TIAM2: variants seen among roughly 807,000 people sequenced by gnomAD.
TIAM2 encodes rho guanine nucleotide exchange factor TIAM2.
TIAM2 carries 80 observed loss-of-function variants against 152.9 expected under a neutral mutation model. That is an observed-to-expected ratio of 0.52 (90% confidence interval 0.44 to 0.63). The LOEUF is 0.63. TIAM2 is among the 30% of genes least tolerant of loss of function. The pLI is 0.00. For missense variants in TIAM2, 1,965 were observed against 2,120.1 expected, an observed-to-expected ratio of 0.93 and a Z score of 1.44; for synonymous variants, 804 against 838.0, an observed-to-expected ratio of 0.96 and a Z score of 0.70.
At chr6:155,205,260 G>A (rs1451583030) in intron 14 of TIAM2, among the ~76,000 whole-genome samples, 17 of 130,926 alleles carry the variant, frequency 1.3e-4, no homozygotes, top group African/African-American at 4.8e-4. Context: ...GAAAACAAAT[G>A]TTCTCCTGTC....
Position 155,089,181 on chromosome 6 carries a change from A to G in TIAM2, c.-208-1108A>G, listed in dbSNP as rs1463539706. On this transcript the variant is annotated intron_variant, in intron 1 of 26. Coordinates refer to ENST00000682666, the MANE Select transcript of TIAM2 (RefSeq NM_012454.4). ...ATACAGGAAGAAAGTATTATTCTCC[A>G]TAATAGGAGAGGATCCAGAAACCAC... 2.0e-5 allele frequency among the ~76,000 whole-genome samples: 3 copies of G among 148,844 alleles called. No individual in the cohort carries two copies. The East Asian group carries it at 6.2e-4, about 31-fold the overall frequency.
At chr6:155,054,219 G>T (rs73792674) in intron 1 of TIAM2, among the ~76,000 whole-genome samples, 4,091 of 152,228 alleles carry the variant, frequency 0.027, 171 homozygotes, top group African/African-American at 0.092. Context: ...GTCTCTGTGA[G>T]CTTGGTTATG....
At chr6:155,210,683 G>C (rs941960705) in intron 14 of TIAM2, among the ~76,000 whole-genome samples, 2 of 152,118 alleles carry the variant, frequency 1.3e-5, no homozygotes, top group African/African-American at 2.4e-5. Context: ...AGGGTTTACT[G>C]ATCCTCTTGG....
chr6:155,094,182 G>A (rs1778361332), intron 2 of TIAM2, among the ~76,000 whole-genome samples: 1 of 152,176 alleles, frequency 6.6e-6, no homozygotes. Context: ...CTTCTCAGCT[G>A]GCAGTGGATA....
At chr6:155,067,405 C>T (rs951265085) in intron 1 of TIAM2, among the ~76,000 whole-genome samples, 2 of 152,174 alleles carry the variant, frequency 1.3e-5, no homozygotes, top group Admixed American at 6.5e-5. Context: ...AGGGCTCCTT[C>T]TCCTTTGATA....
chr6:155,094,010 T>C (rs1208526099), intron 2 of TIAM2, among the ~76,000 whole-genome samples: 1 of 152,246 alleles, frequency 6.6e-6, no homozygotes, highest in Non-Finnish European at 1.5e-5. Context: ...GGTTCTGGGC[T>C]GTGGATAACC....
chr6:155,155,675 A>G (rs1780088584), intron 7 of TIAM2, among the ~76,000 whole-genome samples: 1 of 151,864 alleles, frequency 6.6e-6, no homozygotes, highest in Middle Eastern at 3.2e-3. Context: ...GGGTTTTGCC[A>G]TGTTGGCCAG....
intron 1 of TIAM2, among the ~76,000 whole-genome samples, chr6:155,002,215 C>T (rs950972637): frequency 6.6e-6 from 1 of 152,090 alleles, no homozygotes; most frequent in African/African-American, 2.4e-5. Context: ...TTGAGACCAG[C>T]CTAGGCAACA....
chr6:155,237,905 A>G lies in TIAM2; in HGVS notation c.3169-2625A>G, dbSNP rs148053101. On this transcript the variant is annotated intron_variant, in intron 15 of 26. Coordinates refer to ENST00000682666, the MANE Select transcript of TIAM2 (RefSeq NM_012454.4). ...TCTGACATGCCCTGGAGACATTTTC[A>G]TCATTGTCTTGGGGATTAACATTCA... Among the ~76,000 whole-genome samples, 672 of 152,326 alleles carry G rather than the reference A, an allele frequency of 4.4e-3. 5 individuals carry two copies. Among genetic ancestry groups the G allele is most frequent in the Middle Eastern group, 0.014 (4 of 294 alleles).
At position 155,017,575 on chromosome 6, in the gene TIAM2, C is replaced by T. The variant is rs371729770; in HGVS notation, c.-209+22083C>T. ...CTGGAGTGCAGTAGTGCGATCTTGG[C>T]TCATTGCAACCTCCGCCTCCTGGGT... On this transcript the variant is annotated intron_variant, in intron 1 of 26. Transcript: ENST00000682666. Among the ~76,000 whole-genome samples the T allele has an allele frequency of 7.6e-5, 11 of 144,806 alleles. No homozygotes were observed. In the East Asian group the frequency reaches 2.0e-3, roughly 27 times the overall value. The allele number at this position is 144,806 out of a possible 152,430, so 95.0% of individuals were successfully genotyped here. A position where few individuals can be genotyped will look rare whatever the true frequency, so the allele number is the denominator to read the frequency against.
At position 155,256,950 on chromosome 6, in the gene TIAM2, C is replaced by T; in HGVS notation, c.4935C>T (p.Asp1645=). Residue 1645 remains aspartate, a synonymous_variant, in exon 27 of 27, where the codon GAC becomes GAT. Transcript: ENST00000682666. ...IKRKANSTKR[D]RGTLLKAQIR... ...GAAAAGCCAACAGCACCAAGAGGGACAGAGGAACTTTGCTCAAGGCGCAGA... is the reference window on the plus strand; with the variant it reads ...GAAAAGCCAACAGCACCAAGAGGGATAGAGGAACTTTGCTCAAGGCGCAGA... The T allele has an allele frequency of 6.2e-7, 1 of 1,614,164 alleles. No individual in the cohort carries two copies. The highest frequency in any genetic ancestry group is 1.6e-4 in the Middle Eastern group (1 of 6,062).
At chr6:155,083,318 C>T (rs1423067405) in intron 1 of TIAM2, among the ~76,000 whole-genome samples, 2 of 141,796 alleles carry the variant, frequency 1.4e-5, no homozygotes, top group Non-Finnish European at 3.0e-5. Context: ...CAGTGCACTC[C>T]AGTCTGGGCA....
intron 1 of TIAM2, among the ~76,000 whole-genome samples, chr6:155,064,375 C>A (rs565620767): frequency 6.6e-6 from 1 of 152,326 alleles, no homozygotes; most frequent in Admixed American, 6.5e-5. Flanking sequence ...GAAAAGCACA[C>A]AATCTCATAA....
intron 9 of TIAM2, among the ~76,000 whole-genome samples, chr6:155,167,791 C>T (rs1466695418): frequency 6.6e-6 from 1 of 152,098 alleles, no homozygotes; most frequent in Admixed American, 6.5e-5. Flanking sequence ...GCCATAACAC[C>T]GAGCACTTAT....
At chr6:155,023,189 G>A (rs1776533630) in intron 1 of TIAM2, among the ~76,000 whole-genome samples, 1 of 152,036 alleles carries the variant, frequency 6.6e-6, no homozygotes, top group Non-Finnish European at 1.5e-5. Context: ...AGCCACTTCA[G>A]GAAATTGACT....
intron 1 of TIAM2, among the ~76,000 whole-genome samples, chr6:155,014,178 C>G (rs1778535403): frequency 1.3e-5 from 2 of 152,190 alleles, no homozygotes; most frequent in South Asian, 4.1e-4. Flanking sequence ...TTTTAATTAA[C>G]TGTTTGTCCT....
At chr6:155,252,601 C>T (rs1378461272) in intron 23 of TIAM2, among the ~76,000 whole-genome samples, 1 of 152,206 alleles carries the variant, frequency 6.6e-6, no homozygotes, top group Non-Finnish European at 1.5e-5. Flanking sequence ...GGTTTATTTT[C>T]AAATGCCTTT....
At chr6:155,148,630 C>T (rs759774310) in intron 7 of TIAM2, among the ~76,000 whole-genome samples, 1 of 152,134 alleles carries the variant, frequency 6.6e-6, no homozygotes, top group Non-Finnish European at 1.5e-5. Flanking sequence ...TGATGATTCA[C>T]TCATATATTG....
chr6:155,127,402 A>G (rs374506519), intron 2 of TIAM2, 88 bp from the exon 3 acceptor site: 20 of 355,210 alleles, frequency 5.6e-5, no homozygotes, highest in African/African-American at 3.2e-4. Flanking sequence ...TTGTTTCTTC[A>G]TATAATTTGC....
Sources: allele counts gnomAD v4.1 joint callset (sites outside exome capture counted in the v4.1 genomes callset), GRCh38; gene constraint gnomAD v4.1.1; transcripts MANE v1.5; gene names NCBI Gene and HGNC (gene_info 2026-07-23, HGNC 2026-07-21).